Variants in RAB38 observed in about 807,000 individuals in gnomAD.
RAB38 encodes ras-related protein Rab-38.
Under a neutral mutation model 18.4 loss-of-function variants are expected in RAB38, and 15 were observed. That is an observed-to-expected ratio of 0.82 (90% CI 0.55 to 1.26). The LOEUF is 1.26. Ranked by LOEUF, RAB38 falls within the 50% of genes most tolerant of loss-of-function variation. The probability of loss-of-function intolerance (pLI) is 0.00; values close to 1 mark genes in which losing one functional copy is unlikely to be tolerated. For missense variants in RAB38, 294 were observed against 267.4 expected, an observed-to-expected ratio of 1.10 and a Z score of -0.69; for synonymous variants, 101 against 104.4, an observed-to-expected ratio of 0.97 and a Z score of 0.20.
chr11:87,945,651 T>C, the RAB38 span, among the ~76,000 whole-genome samples: 1 of 152,146 alleles, frequency 6.6e-6, no homozygotes, highest in Non-Finnish European at 1.5e-5. Context: ...AAATAGGATG[T>C]CAGAGCTTAA....
At chr11:88,004,827 C>A in the RAB38 span, among the ~76,000 whole-genome samples, 6 of 151,292 alleles carry the variant, frequency 4.0e-5, no homozygotes, top group Admixed American at 4.0e-4. Context: ...AAATCTATTT[C>A]ATTTCTATAT....
chr11:88,074,176 G>A, the RAB38 span, among the ~76,000 whole-genome samples: 98,673 of 152,004 alleles, frequency 0.65, 32,639 homozygotes, highest in African/African-American at 0.77. Flanking sequence ...GTAAAAGGAA[G>A]TGCTAAAAGG....
chr11:88,046,418 T>G, the RAB38 span, among the ~76,000 whole-genome samples: 1 of 152,302 alleles, frequency 6.6e-6, no homozygotes, highest in South Asian at 2.1e-4. Context: ...CAACCCGTTA[T>G]TCTGTTCTGG....
intron 2 of RAB38, among the ~76,000 whole-genome samples, chr11:88,136,472 G>C (rs997088987): frequency 1.3e-5 from 2 of 152,174 alleles, no homozygotes; most frequent in African/African-American, 4.8e-5. Context: ...GGGCAAACGT[G>C]TCTTAGTAAC....
At chr11:87,940,647 AG>A in the RAB38 span, among the ~76,000 whole-genome samples, 1 of 151,944 alleles carries the variant, frequency 6.6e-6, no homozygotes, top group East Asian at 1.9e-4. Flanking sequence ...AGAGAGAGAA[AG>A]AAAGAAAGAG....
chr11:88,006,487 T>C, the RAB38 span, among the ~76,000 whole-genome samples: 1 of 151,010 alleles, frequency 6.6e-6, no homozygotes. Flanking sequence ...CCATGTTTAT[T>C]GCTGCAGTAT....
chr11:87,929,602 T>C, the RAB38 span, among the ~76,000 whole-genome samples: 1 of 151,926 alleles, frequency 6.6e-6, no homozygotes, highest in African/African-American at 2.4e-5. Flanking sequence ...TTAGGGTACA[T>C]GTATACAACG....
the RAB38 span, chr11:87,879,413 T>G: frequency 6.6e-6 from 1 of 151,634 alleles, no homozygotes; most frequent in Admixed American, 6.6e-5. Context: ...AGAAGACTTT[T>G]TTTTTTCAGT....
chr11:87,933,961 G>T, the RAB38 span, among the ~76,000 whole-genome samples: 1 of 152,038 alleles, frequency 6.6e-6, no homozygotes, highest in Non-Finnish European at 1.5e-5. Context: ...TTTGTGCAGG[G>T]GTTTCTACCA....
the RAB38 span, among the ~76,000 whole-genome samples, chr11:88,048,623 C>T: frequency 6.6e-6 from 1 of 152,186 alleles, no homozygotes; most frequent in South Asian, 2.1e-4. Context: ...CAACCTCATT[C>T]CAGACACCAG....
chr11:88,027,293 G>C, the RAB38 span, among the ~76,000 whole-genome samples: 1 of 152,140 alleles, frequency 6.6e-6, no homozygotes, highest in African/African-American at 2.4e-5. Flanking sequence ...CAGTGTGAGC[G>C]ACGCAGAAGA....
the RAB38 span, among the ~76,000 whole-genome samples, chr11:88,068,127 T>C: frequency 6.6e-6 from 1 of 151,810 alleles, no homozygotes; most frequent in Non-Finnish European, 1.5e-5. Context: ...GTATTTAGAC[T>C]TGAGGTTAAA....
At chr11:88,108,641 C>T (rs1207535278), downstream of RAB38, among the ~76,000 whole-genome samples, 1 of 152,132 alleles carries the variant, frequency 6.6e-6, no homozygotes, top group African/African-American at 2.4e-5. Flanking sequence ...AGCCCATTTA[C>T]ATTTAAGGTA....
the RAB38 span, among the ~76,000 whole-genome samples, chr11:88,097,467 G>C: frequency 6.6e-6 from 1 of 151,832 alleles, no homozygotes; most frequent in Admixed American, 6.6e-5. Flanking sequence ...ACAGAGGAAA[G>C]AGTAACCAAG....
the RAB38 span, among the ~76,000 whole-genome samples, chr11:88,064,957 C>A: frequency 6.6e-6 from 1 of 152,168 alleles, no homozygotes; most frequent in Non-Finnish European, 1.5e-5. Context: ...TCTAAATAAT[C>A]ATTTTCAGAG....
At chr11:87,938,662 T>A in the RAB38 span, among the ~76,000 whole-genome samples, 3 of 136,818 alleles carry the variant, frequency 2.2e-5, no homozygotes, top group Non-Finnish European at 4.5e-5. Flanking sequence ...TTGTTGTTTT[T>A]TGTTTGCCAG....
the RAB38 span, among the ~76,000 whole-genome samples, chr11:88,017,134 A>C: frequency 1.9e-4 from 29 of 152,174 alleles, no homozygotes; most frequent in African/African-American, 7.0e-4. Flanking sequence ...TAAGCACTGC[A>C]AGCAGAGAGG....
the RAB38 span, among the ~76,000 whole-genome samples, chr11:87,811,538 C>T: frequency 2.0e-5 from 3 of 152,110 alleles, no homozygotes; most frequent in Non-Finnish European, 4.4e-5. Flanking sequence ...ACCTCTTTTG[C>T]TTGCAGGGCC....
chr11:87,929,979 C>G, the RAB38 span, among the ~76,000 whole-genome samples: 25 of 152,114 alleles, frequency 1.6e-4, no homozygotes, highest in Middle Eastern at 3.4e-3. Flanking sequence ...GGACATTTGG[C>G]TAGGTTCCAA....
Sources: gnomAD v4.1 joint callset for allele counts (sites outside exome capture counted in the v4.1 genomes callset) on GRCh38, gnomAD v4.1.1 for gene constraint, MANE v1.5 for transcripts, NCBI Gene and HGNC (gene_info 2026-07-23, HGNC 2026-07-21) for gene names.